Variants in LCORL observed in about 807,000 individuals in gnomAD.
LCORL encodes ligand-dependent nuclear receptor corepressor-like protein.
LCORL carries 41 observed loss-of-function variants against 141.8 expected under a neutral mutation model. The observed-to-expected ratio is 0.29, with a 90% CI of 0.23 to 0.38. LCORL has a LOEUF of 0.38. LCORL is among the 10% of genes least tolerant of loss of function. The pLI is 1.00. For missense variants in LCORL, 1,759 were observed against 2,035.0 expected (o/e 0.86, Z 2.61); for synonymous variants, 618 against 694.1 (o/e 0.89, Z 1.72).
At chr4:17,990,351 G>A (rs1353043586) in intron 1 of LCORL, among the ~76,000 whole-genome samples, 3 of 151,388 alleles carry the variant, frequency 2.0e-5, no homozygotes, top group East Asian at 1.9e-4. Context: ...CACCCGCCTC[G>A]GCCTGCCAAA....
chr4:17,959,036 T>C (rs938824656), intron 4 of LCORL, among the ~76,000 whole-genome samples: 2 of 152,062 alleles, frequency 1.3e-5, no homozygotes, highest in African/African-American at 4.8e-5. Flanking sequence ...AAGAGTATTT[T>C]TGACTAGCTT....
At chr4:17,844,774 C>G (rs962242657) in exon 8 of LCORL, 9 of 152,418 alleles carry the variant, frequency 5.9e-5, no homozygotes, top group Non-Finnish European at 1.0e-4. Context: ...CATGGCCAGG[C>G]TATCCAAAAA....
exon 7 of LCORL, chr4:17,875,394 GCACTTATTCTTT>G: frequency 8.1e-7 from 1 of 1,231,340 alleles, no homozygotes; most frequent in Non-Finnish European, 1.0e-6. Context: ...GCTTGCTACA[GCACTTATTCTTT>G]CACCCAAGTC....
chr4:18,021,539 T>C lies in LCORL; in HGVS notation c.154+59A>G, dbSNP rs1725585631. On this transcript the variant is annotated intron_variant, in intron 1 of 7. Coordinates refer to ENST00000635767, the Ensembl canonical transcript of LCORL. This position sits in a 1 kb window ranked among gnomAD's most constrained non-coding sequence, Gnocchi z 5.5. ...ACTAAACCCCTCAGCCACAAACTCC[T>C]CGGGCTGCGACAGCGGTCGCCGCGC... 2 of 1,449,614 alleles carry C rather than the reference T, an allele frequency of 1.4e-6. No homozygotes were observed. Among genetic ancestry groups the C allele is most frequent in the African/African-American group, 1.5e-5 (1 of 66,912 alleles). 89.8% of individuals were successfully genotyped at this position (1,449,614 alleles called of 1,614,324 possible).
At chr4:18,015,225 C>T (rs960278382) in intron 1 of LCORL, among the ~76,000 whole-genome samples, 4 of 152,136 alleles carry the variant, frequency 2.6e-5, no homozygotes, top group Admixed American at 1.3e-4. Flanking sequence ...ATTTATCATG[C>T]GCACAGCCAA....
chr4:17,877,519 G>C, exon 7 of LCORL: 2 of 1,230,006 alleles, frequency 1.6e-6, no homozygotes, highest in Non-Finnish European at 2.0e-6. Flanking sequence ...TTATCTTGAT[G>C]ATCACTCTTA....
chr4:18,001,957 C>T (rs1028342106), intron 1 of LCORL, among the ~76,000 whole-genome samples: 1 of 152,112 alleles, frequency 6.6e-6, no homozygotes, highest in Non-Finnish European at 1.5e-5. Context: ...CTATGTTTAT[C>T]TATATCCATC....
At chr4:17,975,794 T>C (rs1208263441) in intron 1 of LCORL, among the ~76,000 whole-genome samples, 1 of 152,222 alleles carries the variant, frequency 6.6e-6, no homozygotes, top group African/African-American at 2.4e-5. Context: ...GCATATGATA[T>C]ACACTGGTGA....
intron 1 of LCORL, among the ~76,000 whole-genome samples, chr4:17,988,868 C>T (rs918662038): frequency 1.3e-5 from 2 of 152,094 alleles, no homozygotes; most frequent in African/African-American, 4.8e-5. Flanking sequence ...GCCTGTAATC[C>T]CAGCTTCTCA....
intron 5 of LCORL, among the ~76,000 whole-genome samples, chr4:17,887,562 A>C (rs956484353): frequency 3.3e-5 from 5 of 152,156 alleles, no homozygotes; most frequent in African/African-American, 7.2e-5. Flanking sequence ...TGTCAGAGGA[A>C]TAGCAAAGGC....
chr4:17,870,526 T>C (rs1376307414), intron 7 of LCORL, among the ~76,000 whole-genome samples: 2 of 152,196 alleles, frequency 1.3e-5, no homozygotes, highest in Admixed American at 1.3e-4. Flanking sequence ...ATAGCAGTCA[T>C]CATCCTTCTA....
chr4:17,861,683 G>C (rs949846415), intron 7 of LCORL, among the ~76,000 whole-genome samples: 6 of 152,100 alleles, frequency 3.9e-5, no homozygotes, highest in African/African-American at 1.4e-4. Flanking sequence ...CAAATTTTCC[G>C]AACTTTTATG....
At chr4:17,962,790 G>C (rs766792681) in intron 3 of LCORL, among the ~76,000 whole-genome samples, 180 bp downstream of exon 3, 13 of 151,902 alleles carry the variant, frequency 8.6e-5, no homozygotes, top group Middle Eastern at 3.2e-3. Flanking sequence ...ATTTTCACCT[G>C]CAAGTTAAGC....
At chr4:17,961,803 G>T in intron 4 of LCORL, 100 bp downstream of exon 4, 2 of 816,840 alleles carry the variant, frequency 2.4e-6, no homozygotes, top group Non-Finnish European at 3.8e-6. Flanking sequence ...AATAAAGAGT[G>T]AAGTAGAGAG....
intron 4 of LCORL, among the ~76,000 whole-genome samples, chr4:17,915,130 T>A (rs1336311022): frequency 1.3e-5 from 2 of 152,084 alleles, no homozygotes; most frequent in Non-Finnish European, 2.9e-5. Flanking sequence ...TATCTCCTTC[T>A]CCCCTTCATT....
At chr4:17,903,860 T>C (rs1301554080) in intron 5 of LCORL, among the ~76,000 whole-genome samples, 3 of 151,982 alleles carry the variant, frequency 2.0e-5, no homozygotes, top group African/African-American at 4.8e-5. Flanking sequence ...AACAGACATT[T>C]GAAGAAACCT....
intron 1 of LCORL, among the ~76,000 whole-genome samples, chr4:17,976,511 T>A (rs1302122985): frequency 6.6e-6 from 1 of 152,202 alleles, no homozygotes; most frequent in African/African-American, 2.4e-5. Context: ...TACCACTTAG[T>A]ATGTAATGTA....
intron 4 of LCORL, among the ~76,000 whole-genome samples, chr4:17,945,052 T>G (rs1738636773): frequency 6.6e-6 from 1 of 152,144 alleles, no homozygotes; most frequent in Non-Finnish European, 1.5e-5. Flanking sequence ...AGGTACAGTA[T>G]TTAATCACAC....
chr4:18,019,136 C>T (rs1560492734), intron 1 of LCORL, among the ~76,000 whole-genome samples: 1 of 152,122 alleles, frequency 6.6e-6, no homozygotes, highest in Non-Finnish European at 1.5e-5. Flanking sequence ...CAATGGGATT[C>T]GAGACCAGCC....
Sources: allele counts gnomAD v4.1 joint callset (sites outside exome capture counted in the v4.1 genomes callset), GRCh38; gene constraint gnomAD v4.1.1; non-coding constraint Gnocchi (gnomAD v3.1); transcripts MANE v1.5; gene names NCBI Gene and HGNC (gene_info 2026-07-23, HGNC 2026-07-21).